FAM53A: variants seen among roughly 807,000 people sequenced by gnomAD.
FAM53A encodes protein FAM53A.
In FAM53A, 28 loss-of-function variants were observed where a neutral mutation model predicts 26.6. That is an observed-to-expected ratio of 1.05 (90% CI 0.78 to 1.45). The LOEUF is 1.45. Among genes scored for constraint, FAM53A ranks in the 40% most tolerant of loss-of-function variants. The probability of loss-of-function intolerance (pLI) is 0.00; values close to 1 mark genes in which losing one functional copy is unlikely to be tolerated. For synonymous variants in FAM53A, 290 were observed against 253.1 expected, an observed-to-expected ratio of 1.15 and a Z score of -1.38; for missense variants, 650 against 575.8, an observed-to-expected ratio of 1.13 and a Z score of -1.32.
In FAM53A at chr4:1,672,035, C is replaced by A. The variant is rs543905474; in HGVS notation, c.-164-3130G>T. On this transcript the variant is annotated intron_variant, in intron 1 of 4. Transcript: ENST00000308132. ...GCAGTGAACACAGGCACCCAGGAACCCATGAACCTCAGAACCCAGGAACCC... is the reference window on the plus strand; with the variant it reads ...GCAGTGAACACAGGCACCCAGGAACACATGAACCTCAGAACCCAGGAACCC... Among the ~76,000 whole-genome samples, 184 of 152,084 alleles carry A rather than the reference C, an allele frequency of 1.2e-3. 1 individual carries two copies. Among genetic ancestry groups the A allele is most frequent in the African/African-American group, 4.2e-3 (176 of 41,486 alleles).
At chr4:1,649,982 G>T in intron 4 of FAM53A, among the ~76,000 whole-genome samples, 1 of 98,126 alleles carries the variant, frequency 1.0e-5, no homozygotes, top group Non-Finnish European at 2.1e-5. Context: ...GGTGGCACAG[G>T]CGTGGCGTTT....
the FAM53A span, among the ~76,000 whole-genome samples, chr4:1,600,458 G>A: frequency 3.7e-3 from 562 of 152,138 alleles, 6 homozygotes; most frequent in African/African-American, 0.013. Context: ...TGCCCCCAGC[G>A]CAGGGAGGAC....
chr4:1,599,778 T>C, the FAM53A span, among the ~76,000 whole-genome samples: 1 of 152,170 alleles, frequency 6.6e-6, no homozygotes, highest in African/African-American at 2.4e-5. This position sits in a 1 kb window ranked among gnomAD's most constrained non-coding sequence, Gnocchi z 6.1. Flanking sequence ...GCCACACGCA[T>C]ACTCACCCCA....
chr4:1,682,610 G>GA (rs1189960939), intron 1 of FAM53A, among the ~76,000 whole-genome samples: 2 of 152,012 alleles, frequency 1.3e-5, no homozygotes. Flanking sequence ...ATGCACCGGT[G>GA]AAAAATACCT....
upstream of FAM53A, among the ~76,000 whole-genome samples, chr4:1,685,739 G>A (rs940009867): frequency 8.5e-5 from 13 of 152,154 alleles, no homozygotes; most frequent in African/African-American, 2.9e-4. Context: ...GCTGGGGTCC[G>A]GTAATCCCCC....
chr4:1,679,386 CAAAAAA>C (rs34354638), intron 1 of FAM53A, among the ~76,000 whole-genome samples: 6 of 61,218 alleles, frequency 9.8e-5, no homozygotes, highest in Non-Finnish European at 1.5e-4. Context: ...ACCATGTCTC[CAAAAAA>C]AAAAAAAAAA....
Position 1,618,563 on chromosome 4 carries a change from G to A in FAM53A, c.432-452C>T, listed in dbSNP as rs570652970. Among the ~76,000 whole-genome samples, 8 of 152,322 alleles carry A rather than the reference G, an allele frequency of 5.3e-5. 1 individual carries two copies. In the South Asian group the frequency reaches 6.2e-4, roughly 12 times the overall value. On this transcript the variant is annotated intron_variant, in intron 1 of 1. Coordinates refer to the FAM53A transcript ENST00000489029. Reference sequence around the variant, plus strand: ...GTGTGGGCTGGAGCTGCATGGGGACGGCAGCTCTGGGGAAGGAAGACGGGA... The same window carrying A: ...GTGTGGGCTGGAGCTGCATGGGGACAGCAGCTCTGGGGAAGGAAGACGGGA...
At chr4:1,656,104 G>A (rs1243505514) in intron 3 of FAM53A, among the ~76,000 whole-genome samples, 2 of 152,126 alleles carry the variant, frequency 1.3e-5, no homozygotes, top group Non-Finnish European at 2.9e-5. Context: ...CGGCTACCCC[G>A]GCCAGGACTC....
At chr4:1,627,188 C>A (rs7691668) in intron 1 of FAM53A, among the ~76,000 whole-genome samples, 2 of 152,148 alleles carry the variant, frequency 1.3e-5, no homozygotes, top group Non-Finnish European at 2.9e-5. Flanking sequence ...AGGTCCCCAC[C>A]GGCCCCAGCA....
At chr4:1,582,948 T>C in the FAM53A span, among the ~76,000 whole-genome samples, 1 of 152,252 alleles carries the variant, frequency 6.6e-6, no homozygotes, top group East Asian at 1.9e-4. Context: ...GGGATCAGCC[T>C]GGATGAGCAA....
the FAM53A span, among the ~76,000 whole-genome samples, chr4:1,592,492 C>A: frequency 6.6e-6 from 1 of 150,770 alleles, no homozygotes; most frequent in Non-Finnish European, 1.5e-5. Context: ...GGCTGGGGGG[C>A]GCTGCGGTCC....
rs532188472 is a variant in FAM53A at position 1,652,225 on chromosome 4, ACAC to A, written c.882+2750_882+2752del. Reference sequence around the variant, plus strand: ...ACCACACATGCCACACACACCACACACACTAGTCGCACACACACCACACACACC... The same window carrying A: ...ACCACACATGCCACACACACCACACATAGTCGCACACACACCACACACACC... On this transcript the variant is annotated intron_variant, in intron 4 of 4. Transcript: ENST00000308132. Among the ~76,000 whole-genome samples, 37 of 130,024 alleles carry A rather than the reference ACAC, an allele frequency of 2.8e-4. No individual in the cohort carries two copies. In the East Asian group the frequency reaches 6.9e-3, roughly 24 times the overall value. 85.3% of individuals were successfully genotyped at this position (130,024 alleles called of 152,430 possible).
the FAM53A span, among the ~76,000 whole-genome samples, chr4:1,574,698 G>A: frequency 1.2e-4 from 18 of 152,356 alleles, no homozygotes; most frequent in South Asian, 6.2e-4. Flanking sequence ...TTGCACACAC[G>A]GGCACCCCTG....
chr4:1,599,946 C>G, the FAM53A span, among the ~76,000 whole-genome samples: 1 of 152,046 alleles, frequency 6.6e-6, no homozygotes, highest in Non-Finnish European at 1.5e-5. This position sits in a 1 kb window ranked among gnomAD's most constrained non-coding sequence, Gnocchi z 6.1. Context: ...CTCTCCTCCC[C>G]CTCCTCCTCT....
chr4:1,590,955 CATATATATATAT>C, the FAM53A span, among the ~76,000 whole-genome samples: 1,531 of 46,294 alleles, frequency 0.033, 91 homozygotes, highest in African/African-American at 0.078. Context: ...TTATTTAATG[CATATATATATAT>C]ATATATATAT....
chr4:1,684,283 C>T lies in FAM53A; in HGVS notation c.-215G>A, dbSNP rs1384375398. On this transcript the variant is annotated 5_prime_UTR_variant, in exon 1 of 5. Transcript: ENST00000308132. ...GCGAGAAGACTGCCGGCCGCCCAGGCCCCGCTCGCTCAGGGCGACGCGCCT... is the reference window on the plus strand; with the variant it reads ...GCGAGAAGACTGCCGGCCGCCCAGGTCCCGCTCGCTCAGGGCGACGCGCCT... The T allele has an allele frequency of 2.6e-5, 4 of 151,068 alleles. No homozygotes were observed. The highest frequency in any genetic ancestry group is 4.4e-5 in the Non-Finnish European group (3 of 67,440). The allele number at this position is 151,068 out of a possible 1,614,324, so 9.4% of individuals were successfully genotyped here.
chr4:1,677,167 C>T (rs1010912809), intron 1 of FAM53A, among the ~76,000 whole-genome samples: 7 of 152,170 alleles, frequency 4.6e-5, no homozygotes, highest in Non-Finnish European at 8.8e-5. Context: ...CTGTAAGAAG[C>T]CCACTCCCAG....
intron 4 of FAM53A, among the ~76,000 whole-genome samples, chr4:1,645,777 G>A (rs1453495109): frequency 6.6e-6 from 1 of 152,208 alleles, no homozygotes; most frequent in Admixed American, 6.5e-5. Context: ...GAGAAAACAA[G>A]CAAGAAAAAT....
At position 1,659,247 on chromosome 4, in the gene FAM53A, T is replaced by C. The variant is rs1398565504; in HGVS notation, c.76-1779A>G. Among the ~76,000 whole-genome samples the C allele has an allele frequency of 2.0e-5, 3 of 152,098 alleles. No homozygotes were observed. Among genetic ancestry groups the C allele is most frequent in the Admixed American group, 6.6e-5 (1 of 15,262 alleles). On this transcript the variant is annotated intron_variant, in intron 2 of 4. Coordinates refer to ENST00000308132, the MANE Select transcript of FAM53A (RefSeq NM_001174070.3). This position sits in a 1 kb window ranked among gnomAD's most constrained non-coding sequence, Gnocchi z 5.2. ...CTCCCACCCCGGGACCCGGGTCCGA[T>C]GGAAGAGAGGAGAGGCAGCTCTGCT...
Sources: allele counts gnomAD v4.1 joint callset (sites outside exome capture counted in the v4.1 genomes callset), GRCh38; gene constraint gnomAD v4.1.1; non-coding constraint Gnocchi (gnomAD v3.1); transcripts MANE v1.5; gene names NCBI Gene and HGNC (gene_info 2026-07-23, HGNC 2026-07-21).